Variants in NAV1 observed in about 807,000 individuals in gnomAD.
The protein encoded by NAV1 is pore membrane and/or filament interacting like protein 3.
A neutral mutation model predicts 175.2 loss-of-function variants in NAV1; 18 were observed. The observed-to-expected ratio is 0.10, with a 90% CI of 0.07 to 0.15. The LOEUF (loss-of-function observed/expected upper bound fraction) is 0.15, where lower values mean the gene tolerates loss of function less well. Ranked by LOEUF, NAV1 falls within the 10% of genes least tolerant of loss-of-function variation. The probability of loss-of-function intolerance (pLI) is 1.00; values close to 1 mark genes in which losing one functional copy is unlikely to be tolerated. For synonymous variants in NAV1, 897 were observed against 978.7 expected (o/e 0.92, Z 1.56); for missense variants, 1,731 against 2,436.6 (o/e 0.71, Z 6.10).
At chr1:201,573,178 A>C (rs2102177151) in intron 1 of NAV1, among the ~76,000 whole-genome samples, 1 of 152,400 alleles carries the variant, frequency 6.6e-6, no homozygotes, top group Non-Finnish European at 1.5e-5. Flanking sequence ...CATGTAGGCC[A>C]GACACCCTGA....
intron 1 of NAV1, among the ~76,000 whole-genome samples, chr1:201,586,025 C>T (rs1178348398): frequency 6.6e-6 from 1 of 152,198 alleles, no homozygotes; most frequent in African/African-American, 2.4e-5. Context: ...CACTCATGTT[C>T]ATGGCAACAT....
chr1:201,750,115 G>GT lies in NAV1; in HGVS notation c.1227-30305dup, dbSNP rs1486706351. Among the ~76,000 whole-genome samples, 2 of 152,154 alleles carry GT rather than the reference G, an allele frequency of 1.3e-5. No homozygotes were observed. The highest frequency in any genetic ancestry group is 2.9e-5 in the Non-Finnish European group (2 of 68,038). ...AGACTCAAGTTGGAAAAGCAGAAGTGTATCAGGAAAAATTCTATTGGTCCT... is the reference window on the plus strand; with the variant it reads ...AGACTCAAGTTGGAAAAGCAGAAGTGTTATCAGGAAAAATTCTATTGGTCCT... On this transcript the variant is annotated intron_variant, in intron 3 of 29. Transcript: ENST00000367296. This position sits in a 1 kb window ranked among gnomAD's most constrained non-coding sequence, Gnocchi z 4.1.
chr1:201,652,054 G>T (rs1029847893), intron 1 of NAV1, among the ~76,000 whole-genome samples: 1 of 152,098 alleles, frequency 6.6e-6, no homozygotes, highest in Admixed American at 6.6e-5. Flanking sequence ...CAATGATGGT[G>T]GTGTTCAGGT....
At chr1:201,574,285 G>C (rs766377710) in intron 1 of NAV1, among the ~76,000 whole-genome samples, 1 of 152,170 alleles carries the variant, frequency 6.6e-6, no homozygotes, top group Non-Finnish European at 1.5e-5. Context: ...CAGGTAAAAT[G>C]CTGGGGAGTG....
chr1:201,581,081 G>A (rs1666846317), intron 1 of NAV1, among the ~76,000 whole-genome samples: 1 of 152,180 alleles, frequency 6.6e-6, no homozygotes, highest in African/African-American at 2.4e-5. Flanking sequence ...AGTTAGCAGA[G>A]GTAGGGAATG....
chr1:201,574,047 C>A (rs1666623362), intron 1 of NAV1, among the ~76,000 whole-genome samples: 1 of 150,036 alleles, frequency 6.7e-6, no homozygotes. Flanking sequence ...CATCAGAGTG[C>A]AGCCCTGTCT....
At chr1:201,766,184 A>G (rs952779758) in intron 3 of NAV1, among the ~76,000 whole-genome samples, 5 of 152,272 alleles carry the variant, frequency 3.3e-5, no homozygotes, top group Non-Finnish European at 7.3e-5. Flanking sequence ...GCAAAGCCTT[A>G]ACTCAAAAAA....
At chr1:201,579,579 C>T (rs1666789116) in intron 1 of NAV1, among the ~76,000 whole-genome samples, 1 of 152,190 alleles carries the variant, frequency 6.6e-6, no homozygotes, top group African/African-American at 2.4e-5. Flanking sequence ...TGGTCTTGAG[C>T]TCCTGGTGTC....
chr1:201,545,312 G>A lies in NAV1; in HGVS notation c.-144+5970G>A, dbSNP rs539610967. The stretch of plus-strand genomic sequence containing the variant: ...TCAGACCTGACTCAGTCTCTGGGAT[G>A]CTCAATGTGTGTGCTTAATAAATGC... On this transcript the variant is annotated intron_variant, in intron 1 of 33. Coordinates refer to the NAV1 transcript ENST00000685211. Among the ~76,000 whole-genome samples, 4 of 152,090 alleles carry A rather than the reference G, an allele frequency of 2.6e-5. No individual in the cohort carries two copies. The South Asian group carries it at 8.3e-4, about 32-fold the overall frequency.
At chr1:201,540,928 T>C (rs746247888) in intron 1 of NAV1, among the ~76,000 whole-genome samples, 1 of 152,226 alleles carries the variant, frequency 6.6e-6, no homozygotes, top group Non-Finnish European at 1.5e-5. Flanking sequence ...AGAAGGTTTT[T>C]CAGATTTGGG....
At chr1:201,595,311 A>C (rs1023212013) in intron 2 of NAV1, among the ~76,000 whole-genome samples, 4 of 152,164 alleles carry the variant, frequency 2.6e-5, no homozygotes, top group African/African-American at 4.8e-5. Context: ...CCTCACCCTG[A>C]CTCATGCTTA....
intron 7 of NAV1, among the ~76,000 whole-genome samples, 154 bp downstream of exon 11, chr1:201,784,006 T>C (rs370424909): frequency 1.1e-3 from 160 of 152,358 alleles, no homozygotes; most frequent in African/African-American, 3.6e-3. Flanking sequence ...AACAACTCCA[T>C]GAGATAGGTA....
intron 1 of NAV1, among the ~76,000 whole-genome samples, chr1:201,626,645 A>G (rs1417895678): frequency 6.6e-6 from 1 of 152,184 alleles, no homozygotes; most frequent in Non-Finnish European, 1.5e-5. Context: ...CAGCTTCACC[A>G]CAGCCCTTGC....
chr1:201,689,595 T>C (rs1670819861), intron 1 of NAV1, among the ~76,000 whole-genome samples: 1 of 152,218 alleles, frequency 6.6e-6, no homozygotes, highest in Non-Finnish European at 1.5e-5. Context: ...TTGTTTTTAA[T>C]TGTCTTGCTG....
In NAV1 at chr1:201,656,715, G is replaced by A. The variant is rs556133683; in HGVS notation, c.757+7290G>A. 9.2e-5 allele frequency among the ~76,000 whole-genome samples: 14 copies of A among 152,318 alleles called. No individual in the cohort carries two copies. The South Asian group carries it at 1.5e-3, about 16-fold the overall frequency. On this transcript the variant is annotated intron_variant, in intron 1 of 29. Coordinates refer to ENST00000367296, the Ensembl canonical transcript of NAV1. Reference sequence around the variant, plus strand: ...TGCATGTAAACAAACTCACCGGCTTGCAGCACATATGCACATACTGAAGGG... The same window carrying A: ...TGCATGTAAACAAACTCACCGGCTTACAGCACATATGCACATACTGAAGGG...
chr1:201,731,488 AC>A (rs1220354746), intron 3 of NAV1, among the ~76,000 whole-genome samples: 1 of 151,656 alleles, frequency 6.6e-6, no homozygotes, highest in African/African-American at 2.4e-5. Flanking sequence ...TCACCAGCCT[AC>A]CCCCCTTCTC....
chr1:201,743,081 C>T (rs1343926647), intron 3 of NAV1, among the ~76,000 whole-genome samples: 1 of 152,104 alleles, frequency 6.6e-6, no homozygotes, highest in Non-Finnish European at 1.5e-5. Flanking sequence ...TTATTATCAT[C>T]CCATTTCACA....
intron 1 of NAV1, among the ~76,000 whole-genome samples, chr1:201,693,047 C>T (rs1671023134): frequency 6.6e-6 from 1 of 152,188 alleles, no homozygotes; most frequent in African/African-American, 2.4e-5. Flanking sequence ...ATCTCTTAAC[C>T]AGAGGACTGG....
At chr1:201,766,860 G>A (rs1342682571) in intron 3 of NAV1, among the ~76,000 whole-genome samples, 1 of 151,966 alleles carries the variant, frequency 6.6e-6, no homozygotes, top group East Asian at 2.0e-4. Context: ...GTCTTGCTAT[G>A]TCGCCAGGCT....
Sources: allele counts gnomAD v4.1 joint callset (sites outside exome capture counted in the v4.1 genomes callset), GRCh38; gene constraint gnomAD v4.1.1; non-coding constraint Gnocchi (gnomAD v3.1); transcripts MANE v1.5; gene names NCBI Gene and HGNC (gene_info 2026-07-23, HGNC 2026-07-21).